Variants in ROBO2 observed in about 807,000 individuals in gnomAD.
ROBO2 encodes the protein roundabout guidance receptor 2.
In ROBO2, 53 loss-of-function variants were observed where a neutral mutation model predicts 160.8. The observed-to-expected ratio is 0.33, with a 90% CI of 0.26 to 0.41. The LOEUF (loss-of-function observed/expected upper bound fraction) is 0.41. Among genes scored for constraint, ROBO2 ranks in the 10% least tolerant of loss-of-function variants. ROBO2 has a pLI of 1.00. For missense variants in ROBO2, 1,577 were observed against 1,722.4 expected, an observed-to-expected ratio of 0.92 and a Z score of 1.49; for synonymous variants, 664 against 611.7, an observed-to-expected ratio of 1.09 and a Z score of -1.26.
At chr3:77,083,733 C>T (rs767746085) in intron 1 of ROBO2, among the ~76,000 whole-genome samples, 4 of 151,994 alleles carry the variant, frequency 2.6e-5, no homozygotes, top group Admixed American at 6.6e-5. Flanking sequence ...ACCCCACAAC[C>T]GGGATTCTGA....
At position 76,443,311 on chromosome 3, in the gene ROBO2, A is replaced by T. The variant is rs143023505; in HGVS notation, c.109+505709A>T. 3.5e-3 allele frequency among the ~76,000 whole-genome samples: 537 copies of T among 152,184 alleles called. 6 individuals carry two copies. The highest frequency in any genetic ancestry group is 8.3e-3 in the Admixed American group (127 of 15,268). On this transcript the variant is annotated intron_variant, in intron 2 of 26. Transcript: ENST00000487694. ...GATCACATTTCAACATGAAATTTGG[A>T]GGGGGCGAAAATCCAAAATGTATCA... is the stretch of plus-strand genomic sequence containing the variant.
intron 2 of ROBO2, among the ~76,000 whole-genome samples, chr3:76,553,220 G>A (rs2083518185): frequency 6.6e-6 from 1 of 152,138 alleles, no homozygotes; most frequent in African/African-American, 2.4e-5. Flanking sequence ...TGAGAAAGGG[G>A]TCAAAACTGC....
chr3:76,104,008 T>C (rs2069814187), intron 2 of ROBO2, among the ~76,000 whole-genome samples: 1 of 152,208 alleles, frequency 6.6e-6, no homozygotes, highest in African/African-American at 2.4e-5. Flanking sequence ...TCACTTTCCC[T>C]GTAAGGTATC....
intron 2 of ROBO2, among the ~76,000 whole-genome samples, chr3:76,201,290 A>G (rs987176270): frequency 5.3e-5 from 8 of 152,146 alleles, no homozygotes; most frequent in Admixed American, 1.3e-4. Flanking sequence ...ATTATTACCA[A>G]TTTTAATTTT....
intron 2 of ROBO2, among the ~76,000 whole-genome samples, chr3:76,469,357 G>A (rs2078528694): frequency 6.6e-6 from 1 of 151,948 alleles, no homozygotes; most frequent in Non-Finnish European, 1.5e-5. Context: ...ATAAACTCTT[G>A]TCATTCCTCA....
chr3:76,756,650 C>T (rs541446373), intron 2 of ROBO2, among the ~76,000 whole-genome samples: 9 of 151,958 alleles, frequency 5.9e-5, no homozygotes, highest in African/African-American at 1.9e-4. Flanking sequence ...TGGTTCTTTA[C>T]TTTTAATTAT....
At chr3:76,294,817 C>A (rs2107715859) in intron 2 of ROBO2, among the ~76,000 whole-genome samples, 1 of 152,216 alleles carries the variant, frequency 6.6e-6, no homozygotes, top group African/African-American at 2.4e-5. Context: ...AGCATTTGCT[C>A]CCTGATTATA....
intron 2 of ROBO2, among the ~76,000 whole-genome samples, chr3:75,939,987 A>C (rs2107056076): frequency 6.6e-6 from 1 of 152,274 alleles, no homozygotes; most frequent in South Asian, 2.1e-4. Context: ...ATTAAGTATC[A>C]GTGAAGTGTG....
intron 2 of ROBO2, among the ~76,000 whole-genome samples, chr3:76,769,102 GGCAACACCTA>G: frequency 6.6e-6 from 1 of 151,432 alleles, no homozygotes; most frequent in East Asian, 2.0e-4. Context: ...ACTGCTACGT[GGCAACACCTA>G]GCAACCACAC....
chr3:76,099,146 G>A (rs1351861262), intron 2 of ROBO2, among the ~76,000 whole-genome samples: 2 of 152,116 alleles, frequency 1.3e-5, no homozygotes, highest in African/African-American at 4.8e-5. Flanking sequence ...CACTGAGAAA[G>A]TTAGTTATTA....
chr3:77,536,164 C>T (rs1339633446), intron 6 of ROBO2, among the ~76,000 whole-genome samples: 2 of 152,146 alleles, frequency 1.3e-5, no homozygotes, highest in Non-Finnish European at 2.9e-5. Flanking sequence ...ATATTACTTG[C>T]CGGAGGCCTT....
intron 2 of ROBO2, among the ~76,000 whole-genome samples, chr3:76,881,712 T>G (rs1294995504): frequency 6.6e-6 from 1 of 152,242 alleles, no homozygotes; most frequent in East Asian, 1.9e-4. Context: ...TAGTTTTCTC[T>G]TACTCAAAAT....
intron 2 of ROBO2, among the ~76,000 whole-genome samples, chr3:76,991,397 T>C (rs1168272842): frequency 6.6e-6 from 1 of 152,174 alleles, no homozygotes; most frequent in African/African-American, 2.4e-5. Flanking sequence ...GTATGCATTG[T>C]TTTCTAGTTT....
intron 2 of ROBO2, among the ~76,000 whole-genome samples, chr3:76,323,142 C>T (rs1257716040): frequency 7.1e-6 from 1 of 141,572 alleles, no homozygotes; most frequent in East Asian, 2.0e-4. Flanking sequence ...TAGTATTACA[C>T]ACACACACAC....
intron 8 of ROBO2, among the ~76,000 whole-genome samples, chr3:77,557,206 T>A (rs2093153507): frequency 6.6e-6 from 1 of 151,974 alleles, no homozygotes; most frequent in South Asian, 2.1e-4. Context: ...ATGGAAAATT[T>A]ATCCAAATGA....
At chr3:76,281,387 G>T (rs1708225486) in intron 2 of ROBO2, among the ~76,000 whole-genome samples, 2 of 151,898 alleles carry the variant, frequency 1.3e-5, no homozygotes, top group South Asian at 4.1e-4. Flanking sequence ...CTGTGATTTT[G>T]ATTTTGATTT....
At chr3:76,198,029 T>C (rs1702342454) in intron 2 of ROBO2, among the ~76,000 whole-genome samples, 1 of 152,198 alleles carries the variant, frequency 6.6e-6, no homozygotes, top group African/African-American at 2.4e-5. Flanking sequence ...AAAGTACAAC[T>C]GTAAGCACCC....
intron 2 of ROBO2, among the ~76,000 whole-genome samples, chr3:76,583,603 C>T (rs2085842894): frequency 6.6e-6 from 1 of 152,086 alleles, no homozygotes; most frequent in East Asian, 1.9e-4. Context: ...GCTCTCAATA[C>T]TTTCTCTGCC....
chr3:77,543,996 T>C (rs9309773), intron 6 of ROBO2, among the ~76,000 whole-genome samples: 81,402 of 151,628 alleles, frequency 0.54, 21,915 homozygotes, highest in Middle Eastern at 0.68. Flanking sequence ...CATGTTGGCA[T>C]TATTATTTTT....
Sources: allele counts gnomAD v4.1 joint callset (sites outside exome capture counted in the v4.1 genomes callset), GRCh38; gene constraint gnomAD v4.1.1; transcripts MANE v1.5; gene names NCBI Gene and HGNC (gene_info 2026-07-23, HGNC 2026-07-21).